Variants in FABP6 observed in about 807,000 individuals in gnomAD.
FABP6 encodes fatty acid binding protein 6, also known as gastrotropin.
Under a neutral mutation model 14.9 loss-of-function variants are expected in FABP6, and 13 were observed. The ratio of observed to expected loss-of-function variants is 0.87; its 90% CI spans 0.57 to 1.39. FABP6 has a LOEUF of 1.39. FABP6 is among the 40% of genes most tolerant of loss of function. The pLI is 0.00. For synonymous variants in FABP6, 75 were observed against 63.6 expected, an observed-to-expected ratio of 1.18 and a Z score of -0.85; for missense variants, 161 against 167.2, an observed-to-expected ratio of 0.96 and a Z score of 0.20.
At chr5:160,224,537 T>C (rs1414588418), upstream of FABP6, among the ~76,000 whole-genome samples, 1 of 152,102 alleles carries the variant, frequency 6.6e-6, no homozygotes, top group Non-Finnish European at 1.5e-5. Context: ...TGATTAAGCT[T>C]AATGGGGGAA....
At chr5:160,222,241 T>A (rs370924236) in intron 3 of FABP6, among the ~76,000 whole-genome samples, 7 of 152,006 alleles carry the variant, frequency 4.6e-5, no homozygotes, top group African/African-American at 1.7e-4. Flanking sequence ...CATAGGCACA[T>A]GCCACTACAC....
At chr5:160,189,791 A>G (rs1008749578) in intron 1 of FABP6, among the ~76,000 whole-genome samples, 2 of 152,226 alleles carry the variant, frequency 1.3e-5, no homozygotes, top group African/African-American at 4.8e-5. Flanking sequence ...GTGAGAATAC[A>G]GATGAAGCTA....
At chr5:160,222,629 C>T (rs924755094) in intron 3 of FABP6, among the ~76,000 whole-genome samples, 3 of 152,132 alleles carry the variant, frequency 2.0e-5, no homozygotes, top group Non-Finnish European at 2.9e-5. Flanking sequence ...CCACCATGCC[C>T]GGCCACAGAT....
upstream of FABP6, among the ~76,000 whole-genome samples, chr5:160,225,083 C>T (rs1199273537): frequency 3.7e-5 from 5 of 136,564 alleles, no homozygotes; most frequent in African/African-American, 1.4e-4. Flanking sequence ...TCTGGTCAAA[C>T]CTGATAGCAG....
intron 1 of FABP6, chr5:160,198,204 C>G (rs73817324): frequency 0.04 from 6,037 of 152,030 alleles, 249 homozygotes; most frequent in East Asian, 0.19. Context: ...GTCTGGAGTC[C>G]TTTGCCCCCT....
At chr5:160,224,877 A>C (rs1009625159), upstream of FABP6, among the ~76,000 whole-genome samples, 1 of 151,282 alleles carries the variant, frequency 6.6e-6, no homozygotes, top group African/African-American at 2.4e-5. Flanking sequence ...TCCCAGGCTC[A>C]AGTGATTCTC....
intron 1 of FABP6, among the ~76,000 whole-genome samples, chr5:160,193,918 C>G (rs532373666): frequency 2.0e-5 from 3 of 152,236 alleles, no homozygotes; most frequent in Non-Finnish European, 2.9e-5. Flanking sequence ...CTTGGGCGGT[C>G]GATGGGACTG....
At chr5:160,187,979 C>T (rs1470761993) in intron 1 of FABP6, among the ~76,000 whole-genome samples, 5 of 152,004 alleles carry the variant, frequency 3.3e-5, no homozygotes, top group Non-Finnish European at 5.9e-5. Flanking sequence ...CTAGAACTCC[C>T]GACTTCAGGT....
At chr5:160,214,808 G>GA (rs1053545698) in intron 3 of FABP6, among the ~76,000 whole-genome samples, 4 of 137,478 alleles carry the variant, frequency 2.9e-5, no homozygotes, top group Non-Finnish European at 6.5e-5. Context: ...AAGAAAGAAA[G>GA]AAAGAAATCC....
chr5:160,225,698 C>G (rs1340043891), upstream of FABP6, among the ~76,000 whole-genome samples: 1 of 152,108 alleles, frequency 6.6e-6, no homozygotes, highest in Admixed American at 6.6e-5. Context: ...CTGCACCTGG[C>G]CCAACCTGAC....
intron 3 of FABP6, among the ~76,000 whole-genome samples, chr5:160,218,056 C>A (rs1038276127): frequency 2.6e-5 from 4 of 151,946 alleles, no homozygotes; most frequent in South Asian, 2.1e-4. Context: ...CTTCTTTTAG[C>A]CCCTCGAGTA....
intron 2 of FABP6, among the ~76,000 whole-genome samples, chr5:160,206,271 G>C (rs960356910): frequency 6.6e-6 from 1 of 151,980 alleles, no homozygotes; most frequent in Admixed American, 6.6e-5. Flanking sequence ...CTCTACTAAA[G>C]ATACAAAAAA....
intron 1 of FABP6, among the ~76,000 whole-genome samples, chr5:160,190,953 A>C (rs1433777755): frequency 1.4e-5 from 1 of 72,470 alleles, no homozygotes; most frequent in Non-Finnish European, 2.6e-5. Flanking sequence ...TCTACTAAAC[A>C]TGAAAAAAAA....
chr5:160,227,713 TAGA>T (rs1760279563), upstream of FABP6, among the ~76,000 whole-genome samples: 1 of 151,320 alleles, frequency 6.6e-6, no homozygotes, highest in East Asian at 1.9e-4. Flanking sequence ...AGAAAAAGCC[TAGA>T]AGGAGAGGTA....
At chr5:160,219,395 A>T (rs991901473) in intron 3 of FABP6, among the ~76,000 whole-genome samples, 2 of 152,172 alleles carry the variant, frequency 1.3e-5, no homozygotes, top group Non-Finnish European at 2.9e-5. Flanking sequence ...TAGTTGTTCT[A>T]TTGGTTCTAT....
chr5:160,229,876 ATTT>A (rs1379995352), intron 1 of FABP6, among the ~76,000 whole-genome samples: 1 of 58,068 alleles, frequency 1.7e-5, no homozygotes, highest in East Asian at 7.3e-4. Context: ...ATTTTATTTT[ATTT>A]TATTTTATTT....
rs147149907 is a variant in FABP6, at chr5:160,232,195, C to T, written c.165C>T (p.Ser55=). The part of the protein sequence containing the change: ...GQDFTWSQHY[S]GGHTMTNKFT... ...ACTTCACTTGGTCCCAGCACTACTCCGGGGGCCACACCATGACCAACAAGT... is the reference window on the plus strand; with the variant it reads ...ACTTCACTTGGTCCCAGCACTACTCTGGGGGCCACACCATGACCAACAAGT... The change falls in exon 2 of 4, where the codon TCC becomes TCT. Residue 55 remains serine (S), a synonymous_variant. Coordinates refer to ENST00000402432, the MANE Select transcript of FABP6 (RefSeq NM_001445.3). 11 of 1,613,336 alleles carry T rather than the reference C, an allele frequency of 6.8e-6. No homozygotes were observed. The highest frequency in any genetic ancestry group is 3.3e-5 in the South Asian group (3 of 90,942).
intron 1 of FABP6, among the ~76,000 whole-genome samples, chr5:160,194,274 T>C (rs1759465614): frequency 6.6e-6 from 1 of 152,206 alleles, no homozygotes; most frequent in African/African-American, 2.4e-5. Context: ...CCCCAGTTCC[T>C]GCTCGCGCCT....
At chr5:160,189,078 T>G (rs886554447) in intron 1 of FABP6, among the ~76,000 whole-genome samples, 1 of 152,016 alleles carries the variant, frequency 6.6e-6, no homozygotes. Context: ...ATACTTCGGG[T>G]TTTGCAGGCC....
Sources: allele counts gnomAD v4.1 joint callset (sites outside exome capture counted in the v4.1 genomes callset), GRCh38; gene constraint gnomAD v4.1.1; transcripts MANE v1.5; gene names NCBI Gene and HGNC (gene_info 2026-07-23, HGNC 2026-07-21).